The following GUSB variants were observed in gnomAD, a reference collection of about 807,000 sequenced individuals.
GUSB encodes the protein beta-glucuronidase.
GUSB carries 51 observed loss-of-function variants against 74.6 expected under a neutral mutation model. The ratio of observed to expected loss-of-function variants is 0.68; its 90% CI spans 0.55 to 0.86. The LOEUF (loss-of-function observed/expected upper bound fraction) is 0.86. Among genes scored for constraint, GUSB ranks in the 40% least tolerant of loss-of-function variants. The pLI, the probability that GUSB is intolerant of heterozygous loss-of-function variation, is 0.00. For synonymous variants in GUSB, 360 were observed against 348.3 expected (o/e 1.03, Z -0.37); for missense variants, 736 against 853.7 (o/e 0.86, Z 1.72).
rs780344486 is a variant in GUSB, at chr7:65,974,721, C to T, written c.1066-17G>A. On this transcript the variant is annotated splice_polypyrimidine_tract_variant and intron_variant, in intron 6 of 11. Transcript: ENST00000304895. ...CCCTCGGATCTAGGAGATAGCAGAG[C>T]CAAGTGACCCCTGTCCCTGTCGAAG... 1 of 1,611,900 alleles carries T rather than the reference C, an allele frequency of 6.2e-7. No individual in the cohort carries two copies. The highest frequency in any genetic ancestry group is 2.2e-5 in the East Asian group (1 of 44,874).
In GUSB at chr7:65,975,011, C is replaced by A; in HGVS notation, c.973G>T (p.Gly325Trp). The A allele has an allele frequency of 1.2e-6, 2 of 1,613,264 alleles. No individual in the cohort carries two copies. The highest frequency in any genetic ancestry group is 1.7e-6 in the Non-Finnish European group (2 of 1,179,278). Residue 325 changes from glycine (G) to tryptophan (W), a missense_variant, in exon 6 of 12, where the codon GGG (glycine) becomes TGG (tryptophan). By Grantham distance (184) the Gly-to-Trp change is radical. Coordinates refer to ENST00000304895, the MANE Select transcript of GUSB (RefSeq NM_000181.4). ...PVSDFYTLPVGIRTVAVTKSQ... is the reference protein window; with the variant it reads ...PVSDFYTLPVWIRTVAVTKSQ... ...TTGGTGACAGCCACAGTGCGGATCCCCACAGGGAGTGTGTAGAAGTCAGAC... is the reference window on the plus strand; with the variant it reads ...TTGGTGACAGCCACAGTGCGGATCCACACAGGGAGTGTGTAGAAGTCAGAC...
chr7:65,960,851 G>A lies in GUSB; in HGVS notation c.*46C>T, dbSNP rs756497692. ...CACTTGTTCTGCTGCTGTGGAAGTC[G>A]CCCTGACTCGGGGAGGAAGGGACAC... On this transcript the variant is annotated 3_prime_UTR_variant, in exon 12 of 12. Coordinates refer to ENST00000304895, the MANE Select transcript of GUSB (RefSeq NM_000181.4). 7.2e-6 allele frequency: 11 copies of A among 1,532,894 alleles called. No homozygotes were observed. The highest frequency in any genetic ancestry group is 5.0e-5 in the Admixed American group (3 of 59,902). 95.0% of individuals were successfully genotyped at this position (1,532,894 alleles called of 1,614,324 possible).
rs1344332366 is a variant in GUSB at position 65,967,733 on chromosome 7, G to A, written c.1651C>T (p.Gln551Ter). 15 of 1,612,600 alleles carry A rather than the reference G, an allele frequency of 9.3e-6. No homozygotes were observed. Among genetic ancestry groups the A allele is most frequent in the Non-Finnish European group, 1.3e-5 (15 of 1,179,220 alleles). ...GCAGAAAGCTCAACACTGCTTACCTGGTGAAACCCTGCAATCGTTTCTGCT... is the reference window on the plus strand; with the variant it reads ...GCAGAAAGCTCAACACTGCTTACCTAGTGAAACCCTGCAATCGTTTCTGCT... Reference protein sequence around the residue: ...YGAETIAGFHQDPPLMFTEEY... With the variant: ...YGAETIAGFH Residue 551 changes from glutamine to a stop codon, truncating the protein, a stop_gained and splice_region_variant, in exon 10 of 12, where the codon CAG becomes TAG. Coordinates refer to ENST00000304895, the MANE Select transcript of GUSB (RefSeq NM_000181.4). LOFTEE classifies it high-confidence loss of function.
At chr7:65,972,046 T>A (rs1032604715) in intron 8 of GUSB, among the ~76,000 whole-genome samples, 5 of 151,818 alleles carry the variant, frequency 3.3e-5, no homozygotes, top group Non-Finnish European at 5.9e-5. Flanking sequence ...TCTCAAAAAA[T>A]AAATAAATAA....
intron 9 of GUSB, among the ~76,000 whole-genome samples, chr7:65,968,803 T>A (rs938644189): frequency 7.2e-5 from 11 of 152,056 alleles, no homozygotes; most frequent in Non-Finnish European, 1.3e-4. Context: ...GCTGGGCTGG[T>A]CTTGAACTCC....
chr7:65,967,546 T>C (rs1417026170), intron 10 of GUSB, among the ~76,000 whole-genome samples, 185 bp downstream of exon 10: 2 of 152,120 alleles, frequency 1.3e-5, no homozygotes, highest in Non-Finnish European at 2.9e-5. Context: ...AGGCCACCTC[T>C]GAGGACCAAG....
intron 8 of GUSB, among the ~76,000 whole-genome samples, chr7:65,972,821 G>T (rs1562682747): frequency 6.6e-6 from 1 of 152,188 alleles, no homozygotes; most frequent in Non-Finnish European, 1.5e-5. Flanking sequence ...GTCCTGCTGA[G>T]CACACCCCTG....
chr7:65,967,861 T>TA lies in GUSB; in HGVS notation c.1522dup (p.Tyr508LeufsTer19). 1 of 1,605,808 alleles carries TA rather than the reference T, an allele frequency of 6.2e-7. No individual in the cohort carries two copies. The highest frequency in any genetic ancestry group is 8.5e-7 in the Non-Finnish European group (1 of 1,179,788). ...CAACTCCAGGTGCCCGTAGTCGTGA[T>TA]ACCAAGAGTAGTAGCTGTTCAAACA... On this transcript the variant is annotated frameshift_variant, in exon 10 of 12. Coordinates refer to ENST00000304895, the MANE Select transcript of GUSB (RefSeq NM_000181.4). LOFTEE classifies it high-confidence loss of function.
chr7:65,975,128 C>G, intron 5 of GUSB, 57 bp from the exon 6 acceptor site: 1 of 1,557,670 alleles, frequency 6.4e-7, no homozygotes, highest in Non-Finnish European at 8.8e-7. Flanking sequence ...CCCATCCGGC[C>G]TGCCCTCCAG....
chr7:65,964,837 G>C lies in GUSB; in HGVS notation c.1654-379C>G, dbSNP rs573411597. On this transcript the variant is annotated intron_variant, in intron 10 of 11. Transcript: ENST00000304895. ...TCATCCCAGCAATTTGGGAGGCTGA[G>C]GTGGGAGGACTGCTTGAGCCCAGGT... Among the ~76,000 whole-genome samples the C allele has an allele frequency of 2.0e-5, 3 of 152,250 alleles. No homozygotes were observed. In the East Asian group the frequency reaches 5.8e-4, roughly 29 times the overall value.
chr7:65,979,023 TC>T (rs1272307226), intron 4 of GUSB, among the ~76,000 whole-genome samples: 1 of 152,114 alleles, frequency 6.6e-6, no homozygotes, highest in East Asian at 1.9e-4. Flanking sequence ...TACCAGGGCC[TC>T]CTTGCAAAGT....
chr7:65,974,861 G>C, intron 6 of GUSB, 58 bp downstream of exon 6: 1 of 1,592,418 alleles, frequency 6.3e-7, no homozygotes, highest in Non-Finnish European at 8.6e-7. Context: ...CACAGGGAAG[G>C]CGAAAGTGGA....
Position 65,979,600 on chromosome 7 carries a change from C to G in GUSB, c.582-59G>C, listed in dbSNP as rs546023004. 3 of 1,607,254 alleles carry G rather than the reference C, an allele frequency of 1.9e-6. No individual in the cohort carries two copies. In the African/African-American group the frequency reaches 4.0e-5, roughly 21 times the overall value. The stretch of plus-strand genomic sequence containing the variant: ...TGCTCTGGGTCCCCTGACCTCAGCT[C>G]ACAGGCCTCCCTGGCCTCCCCAGAT... On this transcript the variant is annotated intron_variant, in intron 3 of 11. Transcript: ENST00000304895.
At chr7:65,965,561 A>T (rs1790780577) in intron 10 of GUSB, among the ~76,000 whole-genome samples, 1 of 152,070 alleles carries the variant, frequency 6.6e-6, no homozygotes, top group Admixed American at 6.6e-5. Context: ...ACAAGGTCTC[A>T]CTCTGTCACC....
In GUSB at chr7:65,979,395, T is replaced by C; in HGVS notation, c.724+4A>G. 6.2e-7 allele frequency: 1 copy of C among 1,613,154 alleles called. No individual in the cohort carries two copies. Among genetic ancestry groups the C allele is most frequent in the Non-Finnish European group, 8.5e-7 (1 of 1,179,644 alleles). On this transcript the variant is annotated splice_donor_region_variant and intron_variant, in intron 4 of 11. Coordinates refer to ENST00000304895, the MANE Select transcript of GUSB (RefSeq NM_000181.4). The stretch of plus-strand genomic sequence containing the variant: ...GCTGAGAGGATCCTACCAGAAGCCC[T>C]CACCACTGTCTTGCTCCACGCTGGT...
intron 10 of GUSB, among the ~76,000 whole-genome samples, chr7:65,965,166 G>A (rs1790753227): frequency 6.6e-6 from 1 of 152,014 alleles, no homozygotes; most frequent in African/African-American, 2.4e-5. Context: ...AGCACTTTTG[G>A]AGGTCGAGAC....
Position 65,982,029 on chromosome 7 carries a change from G to C in GUSB, c.155C>G (p.Ser52Cys). The change falls in exon 1 of 12, where the codon TCT becomes TGT. Residue 52 changes from serine (S) to cysteine (C), a missense_variant. Around this residue, in one of 2 missense-constraint regions of GUSB, gnomAD observed 368 missense variants for 363.8 expected, o/e 1.01. Coordinates refer to ENST00000304895, the MANE Select transcript of GUSB (RefSeq NM_000181.4). ...CTCGAAGCCCCGGCGTCGGTTGTCA[G>C]AGAAGTCGGCGCGGAAGCTCCAGAG... The part of the protein sequence containing the change: ...DGLWSFRADF[S>C]DNRRRGFEEQ... 2 of 1,610,616 alleles carry C rather than the reference G, an allele frequency of 1.2e-6. No homozygotes were observed. Among genetic ancestry groups the C allele is most frequent in the East Asian group, 2.2e-5 (1 of 44,802 alleles).
Position 65,979,285 on chromosome 7 carries a change from T to C in GUSB, c.724+114A>G, listed in dbSNP as rs986885155. ...TTTTAGCTTCATAGGTGGAAGGGAA[T>C]CTGTGAGGGTGTAGAGATGCTGGGA... On this transcript the variant is annotated intron_variant, in intron 4 of 11. Coordinates refer to ENST00000304895, the MANE Select transcript of GUSB (RefSeq NM_000181.4). 23 of 1,046,714 alleles carry C rather than the reference T, an allele frequency of 2.2e-5. No homozygotes were observed. The African/African-American group carries it at 3.6e-4, about 16-fold the overall frequency. The allele number at this position is 1,046,714 out of a possible 1,614,324, so 64.8% of individuals were successfully genotyped here.
chr7:65,974,292 C>CG lies in GUSB; in HGVS notation c.1391+2_1391+3insC. On this transcript the variant is annotated splice_region_variant and intron_variant, in intron 8 of 11. Transcript: ENST00000304895. Reference sequence around the variant, plus strand: ...TAGCCGAGGGCAGGGAGGGAGCACTCACTTCAAGTAGTAGCCAGCAGATTC... The same window carrying CG: ...TAGCCGAGGGCAGGGAGGGAGCACTCGACTTCAAGTAGTAGCCAGCAGATTC... 1 of 1,614,002 alleles carries CG rather than the reference C, an allele frequency of 6.2e-7. No individual in the cohort carries two copies. The highest frequency in any genetic ancestry group is 8.5e-7 in the Non-Finnish European group (1 of 1,179,976).
Sources: allele counts gnomAD v4.1 joint callset (sites outside exome capture counted in the v4.1 genomes callset), GRCh38; gene constraint gnomAD v4.1.1; regional missense constraint gnomAD v4.1.1; transcripts MANE v1.5; gene names NCBI Gene and HGNC (gene_info 2026-07-23, HGNC 2026-07-21).